Variants in EFCAB3 observed in about 807,000 individuals in gnomAD.
EFCAB3 encodes the protein EF-hand calcium binding domain 3.
Under a neutral mutation model 42.2 loss-of-function variants are expected in EFCAB3, and 36 were observed. The ratio of observed to expected loss-of-function variants is 0.85; its 90% CI spans 0.65 to 1.13. The LOEUF is 1.13. Ranked by LOEUF, EFCAB3 falls within the 50% of genes most tolerant of loss-of-function variation. The probability of loss-of-function intolerance (pLI) is 0.00; values close to 1 mark genes in which losing one functional copy is unlikely to be tolerated. For synonymous variants in EFCAB3, 170 were observed against 172.8 expected (o/e 0.98, Z 0.13); for missense variants, 418 against 505.1 (o/e 0.83, Z 1.65).
intron 3 of EFCAB3, among the ~76,000 whole-genome samples, chr17:62,388,572 C>G (rs1490512982): frequency 6.6e-6 from 1 of 152,138 alleles, no homozygotes; most frequent in Non-Finnish European, 1.5e-5. Flanking sequence ...AGAAATTGAC[C>G]CAGGAGACAG....
chr17:62,392,830 G>C (rs557346413), intron 4 of EFCAB3, among the ~76,000 whole-genome samples: 1 of 151,988 alleles, frequency 6.6e-6, no homozygotes, highest in South Asian at 2.1e-4. Context: ...GTAGATACAG[G>C]GTTTCACCGT....
chr17:62,371,049 AC>A (rs1419383637), intron 1 of EFCAB3, among the ~76,000 whole-genome samples: 7 of 150,914 alleles, frequency 4.6e-5, no homozygotes, highest in African/African-American at 1.7e-4. Flanking sequence ...CTATGATTGC[AC>A]CGCTGCATTC....
intron 2 of EFCAB3, among the ~76,000 whole-genome samples, chr17:62,374,168 A>G (rs2070133456): frequency 6.6e-6 from 1 of 152,158 alleles, no homozygotes; most frequent in Admixed American, 6.5e-5. Flanking sequence ...ACTTTTTTAT[A>G]AATATAGCTA....
intron 6 of EFCAB3, among the ~76,000 whole-genome samples, chr17:62,402,364 TG>T (rs1345242360): frequency 1.3e-5 from 2 of 152,314 alleles, no homozygotes; most frequent in East Asian, 3.9e-4. Context: ...CCCTGTCTTG[TG>T]CCAGTTTTCA....
chr17:62,401,948 GTCT>G (rs2070406885), intron 6 of EFCAB3, among the ~76,000 whole-genome samples: 1 of 152,062 alleles, frequency 6.6e-6, no homozygotes. Flanking sequence ...ATTTGTTTGT[GTCT>G]TCTTTTATTT....
chr17:62,371,307 C>A (rs1445284517), intron 1 of EFCAB3, among the ~76,000 whole-genome samples: 1 of 152,030 alleles, frequency 6.6e-6, no homozygotes, highest in Admixed American at 6.5e-5. Context: ...GTAATCCCAA[C>A]ACTTTGGGAG....
chr17:62,380,453 C>T (rs1033659185), upstream of EFCAB3: 29 of 496,450 alleles, frequency 5.8e-5, no homozygotes, highest in African/African-American at 1.5e-4. Flanking sequence ...ACACTGAAAA[C>T]ACACTTGCTG....
At chr17:62,372,578 G>T (rs1019061031) in intron 1 of EFCAB3, among the ~76,000 whole-genome samples, 1 of 152,116 alleles carries the variant, frequency 6.6e-6, no homozygotes, top group African/African-American at 2.4e-5. Context: ...ACCGCGCCCG[G>T]CCAGTTGAAG....
intron 2 of EFCAB3, among the ~76,000 whole-genome samples, chr17:62,375,029 G>T (rs2070139595): frequency 1.3e-5 from 2 of 152,262 alleles, no homozygotes; most frequent in South Asian, 4.1e-4. Flanking sequence ...TCGGAGAATT[G>T]CTCGAGCCCA....
In EFCAB3 at chr17:62,392,030, T is replaced by C. The variant is rs1350141465; in HGVS notation, c.295+65T>C. ...TTTTTGTGAATATATAGTTTTCTTT[T>C]AATGACTGTATAAACATGAGAAACA... On this transcript the variant is annotated intron_variant, in intron 4 of 9. Transcript: ENST00000305286. The C allele has an allele frequency of 2.5e-5, 37 of 1,497,628 alleles. 1 individual carries two copies. The highest frequency in any genetic ancestry group is 3.2e-5 in the Non-Finnish European group (36 of 1,115,352). The allele number at this position is 1,497,628 out of a possible 1,614,324, so 92.8% of individuals were successfully genotyped here.
At chr17:62,391,782 T>A in intron 3 of EFCAB3, 40 bp from the exon 4 acceptor site, 1 of 1,605,102 alleles carries the variant, frequency 6.2e-7, no homozygotes, top group East Asian at 2.2e-5. Context: ...GTACTTCTTC[T>A]TGAACAACTG....
chr17:62,374,769 G>A (rs1365567808), intron 2 of EFCAB3, among the ~76,000 whole-genome samples: 1 of 152,060 alleles, frequency 6.6e-6, no homozygotes, highest in Non-Finnish European at 1.5e-5. Flanking sequence ...CCTAACAAGT[G>A]CGACAAAAAA....
Position 62,414,584 on chromosome 17 carries a change from TG to T in EFCAB3, c.990+731del, listed in dbSNP as rs1274969095. Among the ~76,000 whole-genome samples the T allele has an allele frequency of 2.6e-3, 10 of 3,892 alleles. No individual in the cohort carries two copies. The Non-Finnish European group carries it at 0.032, about 12-fold the overall frequency. The allele number at this position is 3,892 out of a possible 152,430, so 2.6% of individuals were successfully genotyped here. A position where few individuals can be genotyped will look rare whatever the true frequency, so the allele number is the denominator to read the frequency against. ...ATCTCAGGTGTTTGTTTGTTTGTTT[TG>T]TGTGTGTGTGTGTGTGTGTGTGTGT... On this transcript the variant is annotated intron_variant, in intron 9 of 9. Transcript: ENST00000305286.
At chr17:62,399,456 C>CCGCCT (rs61160565) in intron 6 of EFCAB3, among the ~76,000 whole-genome samples, 7,791 of 152,176 alleles carry the variant, frequency 0.051, 839 homozygotes, top group East Asian at 0.44. Flanking sequence ...GCGTGAGCCA[C>CCGCCT]CGCCTGGCCC....
intron 6 of EFCAB3, chr17:62,397,512 AC>A (rs1567725008): frequency 1.8e-6 from 1 of 569,548 alleles, no homozygotes; most frequent in Non-Finnish European, 3.5e-6. Flanking sequence ...CTGAAGGCCA[AC>A]CCTTTTGAGG....
chr17:62,391,980 T>A lies in EFCAB3; in HGVS notation c.295+15T>A, dbSNP rs2070306787. 6.3e-7 allele frequency: 1 copy of A among 1,576,788 alleles called. No individual in the cohort carries two copies. The highest frequency in any genetic ancestry group is 8.6e-7 in the Non-Finnish European group (1 of 1,158,444). ...TGATATTGATCGTGAGTCCTTTGGC[T>A]TCTCATTGTTTTTCTCATAAAAGAT... On this transcript the variant is annotated intron_variant, in intron 4 of 9. Transcript: ENST00000305286.
intron 9 of EFCAB3, among the ~76,000 whole-genome samples, chr17:62,414,171 G>A (rs1303710136): frequency 6.6e-6 from 1 of 152,230 alleles, no homozygotes; most frequent in African/African-American, 2.4e-5. Context: ...ACAGTGAGTA[G>A]TGTACTCAGA....
intron 4 of EFCAB3, among the ~76,000 whole-genome samples, chr17:62,392,472 C>G (rs994283468): frequency 1.3e-5 from 2 of 151,988 alleles, no homozygotes; most frequent in Admixed American, 1.3e-4. Flanking sequence ...TCCTGATGTA[C>G]AAAAGCAGTA....
rs2070521616 is a variant in EFCAB3 at position 62,413,863 on chromosome 17, T to G, written c.990+9T>G. The G allele has an allele frequency of 6.2e-7, 1 of 1,605,808 alleles. No individual in the cohort carries two copies. The highest frequency in any genetic ancestry group is 8.5e-7 in the Non-Finnish European group (1 of 1,176,856). On this transcript the variant is annotated intron_variant, in intron 9 of 9. Coordinates refer to ENST00000305286, the MANE Select transcript of EFCAB3 (RefSeq NM_173503.4). Reference sequence around the variant, plus strand: ...CTGCTATTAAACAACATGTGAGTATTCCTTGTTGAGTTCCTTCCCAGAAAT... The same window carrying G: ...CTGCTATTAAACAACATGTGAGTATGCCTTGTTGAGTTCCTTCCCAGAAAT...
Sources: allele counts gnomAD v4.1 joint callset (sites outside exome capture counted in the v4.1 genomes callset), GRCh38; gene constraint gnomAD v4.1.1; transcripts MANE v1.5; gene names NCBI Gene and HGNC (gene_info 2026-07-23, HGNC 2026-07-21).